Variants in GADL1 observed in about 807,000 individuals in gnomAD.
GADL1 encodes the protein GAD like acidic amino acid decarboxylase 1.
Under a neutral mutation model 69.5 loss-of-function variants are expected in GADL1, and 71 were observed. The ratio of observed to expected loss-of-function variants is 1.02; its 90% CI spans 0.84 to 1.25. GADL1 has a LOEUF of 1.25. GADL1 is among the 50% of genes most tolerant of loss of function. GADL1 has a pLI of 0.00. For synonymous variants in GADL1, 254 were observed against 214.4 expected (o/e 1.18, Z -1.62); for missense variants, 737 against 631.8 (o/e 1.17, Z -1.79).
In GADL1 at chr3:30,778,216, A is replaced by G; in HGVS notation, c.1355T>C (p.Met452Thr). ...FWYIPPSLRE[M>T]EEGPEFWAKL... Reference sequence around the variant, plus strand: ...TGCCCAGAACTCGGGTCCTTCTTCCATCTCTCTGAGGCTCGGTGGAATGTA... The same window carrying G: ...TGCCCAGAACTCGGGTCCTTCTTCCGTCTCTCTGAGGCTCGGTGGAATGTA... The change falls in exon 14 of 15, where the codon ATG becomes ACG. Residue 452 changes from methionine (M) to threonine (T), a missense_variant. By Grantham distance (81) the Met-to-Thr change is moderately conservative (BLOSUM62 -1). Transcript: ENST00000282538. 2.5e-6 allele frequency: 4 copies of G among 1,612,686 alleles called. No individual in the cohort carries two copies. Among genetic ancestry groups the G allele is most frequent in the Non-Finnish European group, 3.4e-6 (4 of 1,178,804 alleles).
intron 1 of GADL1, among the ~76,000 whole-genome samples, chr3:30,868,485 G>C (rs1167882113): frequency 6.6e-6 from 1 of 150,488 alleles, no homozygotes; most frequent in Non-Finnish European, 1.5e-5. Context: ...CTCTGCTTCT[G>C]TGACCTTACT....
At chr3:30,756,798 C>T (rs77839081) in intron 14 of GADL1, among the ~76,000 whole-genome samples, 5,321 of 152,188 alleles carry the variant, frequency 0.035, 230 homozygotes, top group East Asian at 0.14. Flanking sequence ...TGACCCATAG[C>T]TGATGGCTTG....
intron 14 of GADL1, among the ~76,000 whole-genome samples, chr3:30,747,868 G>A (rs1260900050): frequency 6.6e-6 from 1 of 152,104 alleles, no homozygotes; most frequent in Non-Finnish European, 1.5e-5. Context: ...GAGTTAAAAC[G>A]AGTCTGTTCC....
chr3:30,850,069 T>C lies in GADL1; in HGVS notation c.578A>G (p.Tyr193Cys). The C allele has an allele frequency of 6.2e-7, 1 of 1,611,728 alleles. No individual in the cohort carries two copies. The highest frequency in any genetic ancestry group is 8.5e-7 in the Non-Finnish European group (1 of 1,178,160). ...TTCCTTAATATCAGGACAATATTTG[T>C]ATCTAGCTAAATTCATTGCATACAT... is the stretch of plus-strand genomic sequence containing the variant. ...SNMYAMNLAR[Y>C]KYCPDIKEKG... The change falls in exon 6 of 15, where the codon TAC (tyrosine) becomes TGC (cysteine). Residue 193 changes from tyrosine to cysteine, a missense_variant. Coordinates refer to ENST00000282538, the MANE Select transcript of GADL1 (RefSeq NM_207359.3).
chr3:30,883,255 T>C (rs987536636), intron 1 of GADL1, among the ~76,000 whole-genome samples: 10 of 151,994 alleles, frequency 6.6e-5, no homozygotes, highest in Admixed American at 1.3e-4. Flanking sequence ...CTCTTTTTGT[T>C]TCCTGATAGA....
intron 11 of GADL1, among the ~76,000 whole-genome samples, chr3:30,819,238 G>T (rs1313598478): frequency 6.6e-6 from 1 of 151,876 alleles, no homozygotes; most frequent in African/African-American, 2.4e-5. Context: ...TCTCTTCAGA[G>T]AGTCCTCTTC....
intron 11 of GADL1, among the ~76,000 whole-genome samples, chr3:30,807,002 G>A (rs896873099): frequency 6.6e-6 from 1 of 152,194 alleles, no homozygotes; most frequent in Non-Finnish European, 1.5e-5. Context: ...GTTACTTGGT[G>A]TCAGAGCTCA....
At chr3:30,771,021 G>C (rs1410275512) in intron 14 of GADL1, among the ~76,000 whole-genome samples, 2 of 152,114 alleles carry the variant, frequency 1.3e-5, no homozygotes. Context: ...AAATACAAAG[G>C]AAAACTCATC....
chr3:30,846,259 A>G (rs1206614421), intron 6 of GADL1, among the ~76,000 whole-genome samples: 2 of 152,218 alleles, frequency 1.3e-5, no homozygotes, highest in African/African-American at 4.8e-5. Context: ...ATCATTGGCA[A>G]AAGATAAGTC....
chr3:30,762,136 C>T (rs795440), intron 14 of GADL1, among the ~76,000 whole-genome samples: 64,300 of 151,872 alleles, frequency 0.42, 13,662 homozygotes, highest in Non-Finnish European at 0.44. Context: ...GCAGGAAAGT[C>T]TTTACATAGT....
rs1486949824 is a variant in GADL1 at position 30,726,807 on chromosome 3, TAAAC to T, written c.*1431_*1434del. 6.6e-6 allele frequency: 1 copy of T among 152,352 alleles called. No individual in the cohort carries two copies. Among genetic ancestry groups the T allele is most frequent in the Non-Finnish European group, 1.5e-5 (1 of 68,008 alleles). The allele number at this position is 152,352 out of a possible 1,614,324, so 9.4% of individuals were successfully genotyped here. A position where few individuals can be genotyped will look rare whatever the true frequency, so the allele number is the denominator to read the frequency against. ...CTATGAATTCTGTCAATTTCTTAGT[TAAAC>T]AAAACTCTCCTAGAAACCTAGGACC... On this transcript the variant is annotated 3_prime_UTR_variant, in exon 15 of 15. Coordinates refer to ENST00000282538, the MANE Select transcript of GADL1 (RefSeq NM_207359.3).
intron 14 of GADL1, among the ~76,000 whole-genome samples, chr3:30,772,662 G>T (rs1262144440): frequency 6.6e-6 from 1 of 152,126 alleles, no homozygotes; most frequent in Non-Finnish European, 1.5e-5. Flanking sequence ...GAATCATGAG[G>T]TCAGGAGTTT....
chr3:30,746,581 G>T (rs1695706186), intron 14 of GADL1, among the ~76,000 whole-genome samples: 1 of 152,122 alleles, frequency 6.6e-6, no homozygotes, highest in Admixed American at 6.5e-5. Flanking sequence ...GACAGGTGAT[G>T]GGGTGATAAG....
chr3:30,776,209 T>C, intron 14 of GADL1, among the ~76,000 whole-genome samples: 1 of 152,258 alleles, frequency 6.6e-6, no homozygotes, highest in East Asian at 1.9e-4. Context: ...CCAACAGTAC[T>C]GAGTTAGACA....
At chr3:30,866,833 A>G (rs7647604) in intron 1 of GADL1, among the ~76,000 whole-genome samples, 2 of 151,998 alleles carry the variant, frequency 1.3e-5, no homozygotes, top group Non-Finnish European at 2.9e-5. Context: ...GAAAAAAGCC[A>G]TGTCTCATTT....
chr3:30,843,935 T>C (rs1048198406), intron 8 of GADL1, among the ~76,000 whole-genome samples: 3 of 152,174 alleles, frequency 2.0e-5, no homozygotes, highest in Non-Finnish European at 4.4e-5. Flanking sequence ...GAATCCTGAA[T>C]ACGGGTGATT....
At chr3:30,790,162 G>C (rs537330566) in intron 12 of GADL1, among the ~76,000 whole-genome samples, 1 of 152,146 alleles carries the variant, frequency 6.6e-6, no homozygotes, top group African/African-American at 2.4e-5. Context: ...GGCCATTGTA[G>C]AGTTATTAGT....
intron 12 of GADL1, among the ~76,000 whole-genome samples, chr3:30,789,722 T>C (rs1305499361): frequency 6.6e-6 from 1 of 152,164 alleles, no homozygotes; most frequent in Non-Finnish European, 1.5e-5. Flanking sequence ...CTGCTTCAAC[T>C]TGCACTTTTA....
intron 1 of GADL1, among the ~76,000 whole-genome samples, chr3:30,871,042 A>AGTGTGTGTGTGTGTGTGTGTGTGTGT (rs4016178): frequency 7.1e-6 from 1 of 141,378 alleles, no homozygotes; most frequent in Non-Finnish European, 1.5e-5. Flanking sequence ...AAGGCAGAAA[A>AGTGTGTGTGTGTGTGTGTGTGTGTGT]GTGTGTGTGT....
Sources: allele counts gnomAD v4.1 joint callset (sites outside exome capture counted in the v4.1 genomes callset), GRCh38; gene constraint gnomAD v4.1.1; transcripts MANE v1.5; gene names NCBI Gene and HGNC (gene_info 2026-07-23, HGNC 2026-07-21).